GALNT13: variants seen among roughly 807,000 people sequenced by gnomAD.
GALNT13 encodes the protein UDP-GalNAc:polypeptide N-acetylgalactosaminyltransferase 13.
A neutral mutation model predicts 64.2 loss-of-function variants in GALNT13; 28 were observed. That is an observed-to-expected ratio of 0.44 (90% CI 0.32 to 0.60). The LOEUF (loss-of-function observed/expected upper bound fraction) is 0.60, where lower values mean the gene tolerates loss of function less well. GALNT13 is among the 20% of genes least tolerant of loss of function. The pLI is 0.05. For missense variants in GALNT13, 577 were observed against 669.8 expected (o/e 0.86, Z 1.53); for synonymous variants, 214 against 224.6 (o/e 0.95, Z 0.42).
At chr2:153,660,204 C>T in the GALNT13 span, among the ~76,000 whole-genome samples, 1 of 152,222 alleles carries the variant, frequency 6.6e-6, no homozygotes, top group South Asian at 2.1e-4. Context: ...TTAAACTTCT[C>T]TTGGAGGAAA....
intron 4 of GALNT13, among the ~76,000 whole-genome samples, chr2:154,168,693 A>T (rs984085935): frequency 8.7e-5 from 13 of 149,008 alleles, no homozygotes; most frequent in Non-Finnish European, 1.6e-4. Flanking sequence ...AAAAAAAAAA[A>T]GTAGCCAAGC....
chr2:154,390,611 G>A (rs1314711080), intron 9 of GALNT13, among the ~76,000 whole-genome samples: 1 of 151,872 alleles, frequency 6.6e-6, no homozygotes, highest in East Asian at 1.9e-4. Flanking sequence ...TACCACATTT[G>A]CTTTATCTAG....
At chr2:153,236,286 C>A in the GALNT13 span, among the ~76,000 whole-genome samples, 1 of 152,088 alleles carries the variant, frequency 6.6e-6, no homozygotes, top group Non-Finnish European at 1.5e-5. Context: ...GCAAGAGATC[C>A]AGAAGATCTA....
chr2:153,397,966 C>A, the GALNT13 span, among the ~76,000 whole-genome samples: 1 of 151,980 alleles, frequency 6.6e-6, no homozygotes. Flanking sequence ...TACATGTGCA[C>A]ATTGTGCAGG....
the GALNT13 span, among the ~76,000 whole-genome samples, chr2:153,838,997 G>T: frequency 6.6e-6 from 1 of 150,380 alleles, no homozygotes; most frequent in African/African-American, 2.4e-5. Context: ...TCATCTCTTT[G>T]GTTACATTTA....
the GALNT13 span, chr2:153,761,956 T>C: frequency 1.1e-5 from 2 of 186,122 alleles, no homozygotes. Context: ...TGGTTCTTTG[T>C]CTCTTTCACC....
chr2:153,578,375 G>A, the GALNT13 span, among the ~76,000 whole-genome samples: 7 of 152,296 alleles, frequency 4.6e-5, no homozygotes, highest in East Asian at 1.3e-3. Flanking sequence ...AAAAGCCAAT[G>A]TAATATTGGC....
the GALNT13 span, among the ~76,000 whole-genome samples, chr2:153,226,574 A>C: frequency 1.3e-5 from 2 of 152,214 alleles, no homozygotes; most frequent in African/African-American, 4.8e-5. Context: ...CCCCATTTTA[A>C]TCTTGAGGAA....
chr2:154,211,456 G>A (rs758663044), intron 4 of GALNT13, among the ~76,000 whole-genome samples: 7 of 151,424 alleles, frequency 4.6e-5, no homozygotes, highest in Non-Finnish European at 7.4e-5. Flanking sequence ...GAAAAACCCT[G>A]TCTCTACTAA....
At chr2:153,921,765 G>T (rs2105337668) in intron 2 of GALNT13, among the ~76,000 whole-genome samples, 1 of 152,104 alleles carries the variant, frequency 6.6e-6, no homozygotes, top group African/African-American at 2.4e-5. Context: ...CAGTAAATTT[G>T]GAAAAGATGG....
At chr2:154,333,335 A>G (rs1048938571) in intron 9 of GALNT13, among the ~76,000 whole-genome samples, 2 of 152,122 alleles carry the variant, frequency 1.3e-5, no homozygotes, top group Non-Finnish European at 2.9e-5. Flanking sequence ...CATGTTTTAT[A>G]AAAGAAATAT....
Position 154,450,477 on chromosome 2 carries a change from G to A in GALNT13, c.1597G>A (p.Val533Met), listed in dbSNP as rs1701833674. The change falls in exon 13 of 13, where the codon GTG (valine) becomes ATG (methionine). Residue 533 changes from valine (V) to methionine (M), a missense_variant. Around this residue, in one of 3 missense-constraint regions of GALNT13, gnomAD observed 232 missense variants for 270.6 expected, o/e 0.86. Coordinates refer to ENST00000392825, the MANE Select transcript of GALNT13 (RefSeq NM_052917.4). Reference protein sequence around the residue: ...LDEPSEEDKMVPTMQDCSGSR... With the variant: ...LDEPSEEDKMMPTMQDCSGSR... Reference sequence around the variant, plus strand: ...TGAACCTTCTGAAGAAGACAAAATGGTGCCTACAATGCAGGACTGTAGTGG... The same window carrying A: ...TGAACCTTCTGAAGAAGACAAAATGATGCCTACAATGCAGGACTGTAGTGG... The A allele has an allele frequency of 1.2e-6, 2 of 1,612,592 alleles. No individual in the cohort carries two copies. Among genetic ancestry groups the A allele is most frequent in the Non-Finnish European group, 1.7e-6 (2 of 1,179,022 alleles).
At chr2:153,390,908 A>C in the GALNT13 span, among the ~76,000 whole-genome samples, 1 of 152,228 alleles carries the variant, frequency 6.6e-6, no homozygotes, top group East Asian at 1.9e-4. Flanking sequence ...TTTATAACAT[A>C]TTCAATGGTG....
chr2:154,024,259 A>G lies in GALNT13; in HGVS notation c.142+79620A>G, dbSNP rs563256329. ...GTTGGCCTGCCTTGCTAGATTGGGG[A>G]AGTTCTCCTGGATAATATCCTGCAG... is the stretch of plus-strand genomic sequence containing the variant. On this transcript the variant is annotated intron_variant, in intron 3 of 12. Coordinates refer to ENST00000392825, the MANE Select transcript of GALNT13 (RefSeq NM_052917.4). 3.9e-3 allele frequency among the ~76,000 whole-genome samples: 589 copies of G among 152,156 alleles called. 2 individuals are homozygous for G. Among genetic ancestry groups the G allele is most frequent in the African/African-American group, 0.014 (564 of 41,484 alleles).
At chr2:153,712,178 C>T in the GALNT13 span, among the ~76,000 whole-genome samples, 1 of 151,938 alleles carries the variant, frequency 6.6e-6, no homozygotes, top group Admixed American at 6.6e-5. Flanking sequence ...ACTTCCGATC[C>T]TTTTTAGCAA....
chr2:154,455,180 G>T (rs976810884), downstream of GALNT13, among the ~76,000 whole-genome samples: 1 of 152,102 alleles, frequency 6.6e-6, no homozygotes, highest in African/African-American at 2.4e-5. Flanking sequence ...TTTGGTGGGA[G>T]GTTAGGATCA....
the GALNT13 span, among the ~76,000 whole-genome samples, chr2:153,227,595 A>G: frequency 2.6e-5 from 4 of 152,152 alleles, no homozygotes; most frequent in Non-Finnish European, 4.4e-5. Context: ...AATTTCTTCA[A>G]TCCCACTTAA....
At chr2:154,366,200 G>A (rs1393503117) in intron 9 of GALNT13, among the ~76,000 whole-genome samples, 1 of 152,006 alleles carries the variant, frequency 6.6e-6, no homozygotes, top group Non-Finnish European at 1.5e-5. Context: ...CCTAAAAAAT[G>A]TCCCAGATGC....
At chr2:153,614,499 G>C in the GALNT13 span, among the ~76,000 whole-genome samples, 1 of 152,008 alleles carries the variant, frequency 6.6e-6, no homozygotes, top group African/African-American at 2.4e-5. Flanking sequence ...TAGCAGAAAT[G>C]AGTCAACTCC....
Sources: gnomAD v4.1 joint callset for allele counts (sites outside exome capture counted in the v4.1 genomes callset) on GRCh38, gnomAD v4.1.1 for gene constraint, gnomAD v4.1.1 regional missense constraint, MANE v1.5 for transcripts, NCBI Gene and HGNC (gene_info 2026-07-23, HGNC 2026-07-21) for gene names.